Variants in ZBTB20 observed in about 807,000 individuals in gnomAD.
The protein encoded by ZBTB20 is zinc finger and BTB domain containing 20.
In ZBTB20, 9 loss-of-function variants were observed where a neutral mutation model predicts 56.9. The observed-to-expected ratio is 0.16, with a 90% CI of 0.10 to 0.28. ZBTB20 has a LOEUF of 0.28. Ranked by LOEUF, ZBTB20 falls within the 10% of genes least tolerant of loss-of-function variation. ZBTB20 has a pLI of 1.00. For missense variants in ZBTB20, 655 were observed against 1,003.0 expected (o/e 0.65, Z 4.69); for synonymous variants, 417 against 420.7 (o/e 0.99, Z 0.11).
chr3:115,068,641 G>C lies in ZBTB20; in HGVS notation c.-507+2578C>G, dbSNP rs1273417315. The stretch of plus-strand genomic sequence containing the variant: ...AAAAGCTTCACGACAGGTAAAGATA[G>C]ACTATAATCTGAAGAACAAATAGAC... On this transcript the variant is annotated intron_variant, in intron 2 of 11. Transcript: ENST00000675478. 2.6e-5 allele frequency among the ~76,000 whole-genome samples: 4 copies of C among 151,980 alleles called. No homozygotes were observed. In the East Asian group the frequency reaches 7.7e-4, roughly 29 times the overall value.
At chr3:114,897,699 G>GA (rs1331212533) in intron 4 of ZBTB20, among the ~76,000 whole-genome samples, 5 of 152,170 alleles carry the variant, frequency 3.3e-5, no homozygotes, top group Admixed American at 6.6e-5. Flanking sequence ...AGATTCACTG[G>GA]AAAAAACCGA....
At chr3:114,616,121 C>G (rs545729488) in intron 6 of ZBTB20, among the ~76,000 whole-genome samples, 1 of 152,322 alleles carries the variant, frequency 6.6e-6, no homozygotes, top group South Asian at 2.1e-4. Context: ...AACACAGACG[C>G]ATGCCCTGAT....
rs2107876986 is a variant in ZBTB20, at chr3:114,945,646, G to GA, written c.-456+28719dup. On this transcript the variant is annotated intron_variant, in intron 3 of 11. Coordinates refer to ENST00000675478, the MANE Select transcript of ZBTB20 (RefSeq NM_001348800.3). ...AGAAATGGGAAACATAAAATTGGTA[G>GA]AAAAAATAGAAAAGTACAGTAAGAT... 1.4e-5 allele frequency among the ~76,000 whole-genome samples: 2 copies of GA among 145,142 alleles called. 1 individual carries two copies. Among genetic ancestry groups the GA allele is most frequent in the African/African-American group, 5.6e-5 (2 of 35,822 alleles).
intron 2 of ZBTB20, among the ~76,000 whole-genome samples, chr3:115,053,971 T>C (rs1031030131): frequency 6.6e-6 from 1 of 152,176 alleles, no homozygotes; most frequent in African/African-American, 2.4e-5. Flanking sequence ...TCCTATTAAA[T>C]TGGGCTTTCA....
chr3:114,731,067 T>A (rs1372044331), intron 5 of ZBTB20, among the ~76,000 whole-genome samples: 1 of 152,190 alleles, frequency 6.6e-6, no homozygotes, highest in African/African-American at 2.4e-5. Context: ...TTTATTCTTG[T>A]AGGTTTCATC....
chr3:114,430,912 G>A (rs890536583), intron 7 of ZBTB20, among the ~76,000 whole-genome samples: 2 of 152,140 alleles, frequency 1.3e-5, no homozygotes, highest in Non-Finnish European at 2.9e-5. Context: ...CTTGTTTTCT[G>A]TAAAGTGTGG....
intron 4 of ZBTB20, among the ~76,000 whole-genome samples, chr3:114,828,102 T>C (rs1226765614): frequency 6.6e-6 from 1 of 151,768 alleles, no homozygotes; most frequent in African/African-American, 2.4e-5. Context: ...TTATAATAGG[T>C]TCATAATTTA....
chr3:115,070,423 A>G (rs143624388), intron 2 of ZBTB20, among the ~76,000 whole-genome samples: 1 of 152,286 alleles, frequency 6.6e-6, no homozygotes, highest in East Asian at 1.9e-4. Context: ...GACTGTAGAT[A>G]AGCATGGCAG....
intron 6 of ZBTB20, among the ~76,000 whole-genome samples, chr3:114,628,532 G>A (rs1428214206): frequency 6.6e-6 from 1 of 151,962 alleles, no homozygotes; most frequent in Non-Finnish European, 1.5e-5. Flanking sequence ...AGACACTTAG[G>A]ACTACAAATC....
intron 3 of ZBTB20, among the ~76,000 whole-genome samples, chr3:114,937,097 T>C (rs959071086): frequency 5.9e-5 from 9 of 152,224 alleles, no homozygotes; most frequent in Non-Finnish European, 1.2e-4. Context: ...TGTGTCTTTA[T>C]AGCAGAAGGA....
At chr3:114,354,587 G>GTTTTTTTTTTT (rs10663657) in intron 10 of ZBTB20, among the ~76,000 whole-genome samples, 3 of 130,158 alleles carry the variant, frequency 2.3e-5, no homozygotes, top group East Asian at 2.3e-4. Flanking sequence ...TGTTTTGTTT[G>GTTTTTTTTTTT]TTTTTTTTTT....
At chr3:114,343,565 A>G (rs2079956945) in intron 11 of ZBTB20, among the ~76,000 whole-genome samples, 1 of 152,182 alleles carries the variant, frequency 6.6e-6, no homozygotes. Context: ...TGGGTAGCAG[A>G]AGGTGGCCAC....
At chr3:114,883,061 G>T (rs909757727) in intron 4 of ZBTB20, among the ~76,000 whole-genome samples, 1 of 152,096 alleles carries the variant, frequency 6.6e-6, no homozygotes, top group Non-Finnish European at 1.5e-5. Flanking sequence ...AATTAAATTA[G>T]CTCAAAGAAT....
At chr3:114,644,765 A>T (rs2059750631) in intron 6 of ZBTB20, among the ~76,000 whole-genome samples, 1 of 152,126 alleles carries the variant, frequency 6.6e-6, no homozygotes, top group Non-Finnish European at 1.5e-5. Context: ...CTAAATCTGC[A>T]TATGCACCCT....
intron 6 of ZBTB20, among the ~76,000 whole-genome samples, chr3:114,644,347 G>C (rs2702167): frequency 0.065 from 9,899 of 152,082 alleles, 408 homozygotes; most frequent in Middle Eastern, 0.12. Context: ...TTAGAGAGAA[G>C]AACAAATTTG....
intron 8 of ZBTB20, among the ~76,000 whole-genome samples, chr3:114,384,320 G>A (rs1322550336): frequency 6.6e-6 from 1 of 152,064 alleles, no homozygotes; most frequent in Non-Finnish European, 1.5e-5. Context: ...GCTGGTGACA[G>A]GGAAGGACTT....
intron 5 of ZBTB20, among the ~76,000 whole-genome samples, chr3:114,702,511 G>A (rs1381274698): frequency 6.6e-6 from 1 of 151,840 alleles, no homozygotes; most frequent in Admixed American, 6.6e-5. Context: ...TTATTATAAA[G>A]TATTTGACAA....
intron 4 of ZBTB20, among the ~76,000 whole-genome samples, chr3:114,875,790 C>T (rs1298994058): frequency 6.6e-6 from 1 of 152,098 alleles, no homozygotes; most frequent in South Asian, 2.1e-4. Context: ...AGTTCTGCTA[C>T]CTCAATAACT....
At chr3:115,070,776 C>A (rs1366924668) in intron 2 of ZBTB20, among the ~76,000 whole-genome samples, 1 of 151,168 alleles carries the variant, frequency 6.6e-6, no homozygotes, top group Non-Finnish European at 1.5e-5. Flanking sequence ...AGACTCCTAC[C>A]CAAAGCATAA....
Sources: allele counts gnomAD v4.1 joint callset (sites outside exome capture counted in the v4.1 genomes callset), GRCh38; gene constraint gnomAD v4.1.1; transcripts MANE v1.5; gene names NCBI Gene and HGNC (gene_info 2026-07-23, HGNC 2026-07-21).